DOCK5: variants seen among roughly 807,000 people sequenced by gnomAD.
DOCK5 encodes dedicator of cytokinesis 5, also known as dedicator of cytokinesis protein 5.
A neutral mutation model predicts 251.8 loss-of-function variants in DOCK5; 142 were observed. That is an observed-to-expected ratio of 0.56 (90% CI 0.49 to 0.65). The LOEUF (loss-of-function observed/expected upper bound fraction) is 0.65. DOCK5 is among the 30% of genes least tolerant of loss of function. The probability of loss-of-function intolerance (pLI) is 0.00; values close to 1 mark genes in which losing one functional copy is unlikely to be tolerated. For synonymous variants in DOCK5, 842 were observed against 835.5 expected (o/e 1.01, Z -0.13); for missense variants, 2,111 against 2,312.3 (o/e 0.91, Z 1.79).
chr8:25,392,784 T>C lies in DOCK5; in HGVS notation c.4441-12T>C. 1 of 1,609,806 alleles carries C rather than the reference T, an allele frequency of 6.2e-7. No individual in the cohort carries two copies. The highest frequency in any genetic ancestry group is 8.5e-7 in the Non-Finnish European group (1 of 1,177,482). ...ATTGACCAACATTTCATGTTTTCCT[T>C]CTTGCCACCAGACGATGTGGATTGA... On this transcript the variant is annotated splice_polypyrimidine_tract_variant and intron_variant, in intron 43 of 51. Transcript: ENST00000276440.
At chr8:25,308,153 G>C (rs1804996341) in intron 11 of DOCK5, among the ~76,000 whole-genome samples, 1 of 152,112 alleles carries the variant, frequency 6.6e-6, no homozygotes, top group Non-Finnish European at 1.5e-5. Flanking sequence ...AATGGAGGCT[G>C]TATTTGGTTC....
At chr8:25,388,480 T>G (rs969573782) in intron 40 of DOCK5, among the ~76,000 whole-genome samples, 3 of 152,138 alleles carry the variant, frequency 2.0e-5, no homozygotes, top group Admixed American at 2.0e-4. Context: ...ATATTTACAG[T>G]CTAGAGTGGA....
intron 9 of DOCK5, among the ~76,000 whole-genome samples, chr8:25,301,210 T>TATCC: frequency 6.6e-6 from 1 of 152,332 alleles, no homozygotes; most frequent in Admixed American, 6.5e-5. Context: ...TGGTTTCAGG[T>TATCC]ATCCACCAGG....
chr8:25,374,892 G>A, intron 37 of DOCK5: 2 of 1,328,994 alleles, frequency 1.5e-6, no homozygotes, highest in Middle Eastern at 3.0e-4. Context: ...TGAACCTTTG[G>A]TAATTGACAC....
At chr8:25,320,846 G>A (rs1213046287) in intron 15 of DOCK5, 134 bp from the exon 16 acceptor site, 2 of 706,904 alleles carry the variant, frequency 2.8e-6, no homozygotes, top group African/African-American at 3.6e-5. Context: ...TCCTTTGAAT[G>A]AAACCTATAC....
At chr8:25,275,522 C>A in intron 4 of DOCK5, 81 bp downstream of exon 4, 1 of 1,366,210 alleles carries the variant, frequency 7.3e-7, no homozygotes, top group Non-Finnish European at 1.0e-6. Context: ...GGCATTAATG[C>A]CTTATGTACG....
chr8:25,409,375 G>A (rs183055295), intron 50 of DOCK5: 170 of 181,060 alleles, frequency 9.4e-4, no homozygotes, highest in Non-Finnish European at 1.6e-3. Flanking sequence ...GCATGGTAGA[G>A]GGATAAATCT....
In DOCK5 at chr8:25,241,204, C is replaced by T. The variant is rs189320500; in HGVS notation, c.44-2470C>T. Among the ~76,000 whole-genome samples, 285 of 152,268 alleles carry T rather than the reference C, an allele frequency of 1.9e-3. 3 individuals are homozygous for T. The highest frequency in any genetic ancestry group is 6.8e-3 in the Middle Eastern group (2 of 294). Reference sequence around the variant, plus strand: ...TCGTTAAAAGTCAGGAGGCTGGGCACGGTGGCTCACGCCTGTAATCCCAGC... The same window carrying T: ...TCGTTAAAAGTCAGGAGGCTGGGCATGGTGGCTCACGCCTGTAATCCCAGC... On this transcript the variant is annotated intron_variant, in intron 1 of 51. Coordinates refer to ENST00000276440, the MANE Select transcript of DOCK5 (RefSeq NM_024940.8).
chr8:25,372,801 C>G (rs1800897623), intron 35 of DOCK5, 83 bp downstream of exon 35: 2 of 1,407,248 alleles, frequency 1.4e-6, no homozygotes, highest in African/African-American at 1.5e-5. Flanking sequence ...GTAGATCCCA[C>G]AAACACAGAG....
At chr8:25,367,191 A>G (rs900556515) in intron 31 of DOCK5, among the ~76,000 whole-genome samples, 1 of 152,144 alleles carries the variant, frequency 6.6e-6, no homozygotes, top group Admixed American at 6.5e-5. Context: ...CATGCTTTTT[A>G]TCAAATCTGT....
chr8:25,391,805 C>A, intron 42 of DOCK5, 91 bp from the exon 43 acceptor site: 2 of 1,117,718 alleles, frequency 1.8e-6, no homozygotes, highest in Non-Finnish European at 2.6e-6. Context: ...AAACTCAGAC[C>A]AGGCAGATGT....
chr8:25,296,314 A>G (rs945745918), intron 6 of DOCK5, among the ~76,000 whole-genome samples, 199 bp from the exon 7 acceptor site: 2 of 152,158 alleles, frequency 1.3e-5, no homozygotes, highest in Non-Finnish European at 2.9e-5. Context: ...GACTTTGGCT[A>G]ATATCATCTC....
At position 25,362,204 on chromosome 8, in the gene DOCK5, G is replaced by T. The variant is rs147890354; in HGVS notation, c.2950-843G>T. Reference sequence around the variant, plus strand: ...CTGGCGCAGGAAGAGTGGTGATTCTGCTTCTTGTGTGTATCACTGTGTCCT... The same window carrying T: ...CTGGCGCAGGAAGAGTGGTGATTCTTCTTCTTGTGTGTATCACTGTGTCCT... On this transcript the variant is annotated intron_variant, in intron 28 of 51. Coordinates refer to ENST00000276440, the MANE Select transcript of DOCK5 (RefSeq NM_024940.8). Among the ~76,000 whole-genome samples, 17 of 152,264 alleles carry T rather than the reference G, an allele frequency of 1.1e-4. No homozygotes were observed. The East Asian group carries it at 3.3e-3, about 29-fold the overall frequency.
chr8:25,400,444 G>C (rs560065707), intron 46 of DOCK5, among the ~76,000 whole-genome samples: 1 of 129,086 alleles, frequency 7.7e-6, no homozygotes, highest in East Asian at 2.4e-4. Flanking sequence ...GTTGCAGTGA[G>C]CCGAGATCAC....
chr8:25,184,995 A>G, intron 1 of DOCK5, 44 bp downstream of exon 1: 3 of 1,323,002 alleles, frequency 2.3e-6, no homozygotes, highest in Non-Finnish European at 2.9e-6. Context: ...CCACGCGGCC[A>G]AGTTCGCGGA....
intron 45 of DOCK5, among the ~76,000 whole-genome samples, chr8:25,396,797 TG>T (rs1386786970): frequency 1.8e-5 from 2 of 110,194 alleles, no homozygotes; most frequent in Non-Finnish European, 4.1e-5. Flanking sequence ...TGTGTGTGTG[TG>T]TCCCGGGAAG....
chr8:25,345,760 C>CT, intron 26 of DOCK5, 149 bp downstream of exon 26: 9 of 1,129,386 alleles, frequency 8.0e-6, no homozygotes, highest in Non-Finnish European at 1.0e-5. Flanking sequence ...ATTAGGGAGG[C>CT]CAGAGCCTCC....
chr8:25,228,255 T>C (rs1178943389), intron 1 of DOCK5, among the ~76,000 whole-genome samples: 1 of 152,238 alleles, frequency 6.6e-6, no homozygotes, highest in East Asian at 1.9e-4. Flanking sequence ...TCAGCATAGT[T>C]TTGTTCCACT....
chr8:25,314,119 T>TTC (rs1232684520), intron 13 of DOCK5, among the ~76,000 whole-genome samples: 1 of 149,396 alleles, frequency 6.7e-6, no homozygotes, highest in Non-Finnish European at 1.5e-5. Flanking sequence ...TTTTTTTTTT[T>TTC]TTTTTTTTTG....
Sources: gnomAD v4.1 joint callset for allele counts (sites outside exome capture counted in the v4.1 genomes callset) on GRCh38, gnomAD v4.1.1 for gene constraint, MANE v1.5 for transcripts, NCBI Gene and HGNC (gene_info 2026-07-23, HGNC 2026-07-21) for gene names.